ZMYM5: variants seen among roughly 807,000 people sequenced by gnomAD.
ZMYM5 encodes the protein zinc finger MYM-type protein 5.
A neutral mutation model predicts 61.8 loss-of-function variants in ZMYM5; 41 were observed. The observed-to-expected ratio is 0.66, with a 90% CI of 0.52 to 0.86. The LOEUF is 0.86. ZMYM5 is among the 40% of genes least tolerant of loss of function. The pLI is 0.00. For synonymous variants in ZMYM5, 257 were observed against 276.4 expected, an observed-to-expected ratio of 0.93 and a Z score of 0.70; for missense variants, 706 against 786.7, an observed-to-expected ratio of 0.90 and a Z score of 1.23.
intron 7 of ZMYM5, 32 bp downstream of exon 7, chr13:19,835,445 T>A (rs1952645041): frequency 7.6e-7 from 1 of 1,309,904 alleles, no homozygotes; most frequent in South Asian, 1.2e-5. Flanking sequence ...TACTATATAT[T>A]TGATCATTTA....
chr13:19,861,824 G>A (rs938895625), intron 2 of ZMYM5, among the ~76,000 whole-genome samples: 5 of 150,072 alleles, frequency 3.3e-5, no homozygotes, highest in Admixed American at 1.3e-4. Context: ...GTACCAAAAT[G>A]AACACATAGA....
rs910450545 is a variant in ZMYM5 at position 19,823,941 on chromosome 13, C to G, written c.*536G>C. The stretch of plus-strand genomic sequence containing the variant: ...GCAACCTCTGCCTCCTGGGTTCAAG[C>G]GATTCTCCTGCCTCAGCCTCCTGAG... On this transcript the variant is annotated 3_prime_UTR_variant, in exon 8 of 8. Coordinates refer to ENST00000337963, the MANE Select transcript of ZMYM5 (RefSeq NM_001142684.2). 2 of 152,308 alleles carry G rather than the reference C, an allele frequency of 1.3e-5. No individual in the cohort carries two copies. The highest frequency in any genetic ancestry group is 4.8e-5 in the African/African-American group (2 of 41,450). 9.4% of individuals were successfully genotyped at this position (152,308 alleles called of 1,614,324 possible). A position where few individuals can be genotyped will look rare whatever the true frequency, so the allele number is the denominator to read the frequency against.
At chr13:19,849,286 A>G (rs1953195980) in intron 4 of ZMYM5, among the ~76,000 whole-genome samples, 2 of 151,908 alleles carry the variant, frequency 1.3e-5, no homozygotes, top group South Asian at 2.1e-4. Flanking sequence ...GCGCCTGGCT[A>G]ATTTTTTTTT....
rs140860658 is a variant in ZMYM5, at chr13:19,851,447, G to T, written c.494C>A (p.Thr165Asn). 6 of 1,613,740 alleles carry T rather than the reference G, an allele frequency of 3.7e-6. No homozygotes were observed. In the African/African-American group the frequency reaches 8.0e-5, roughly 22 times the overall value. ...GTTAAAAGGTCTTACTCCAGTCTTGGTCTGTGGAGTTAAAGATGGGGTGTA... is the reference window on the plus strand; with the variant it reads ...GTTAAAAGGTCTTACTCCAGTCTTGTTCTGTGGAGTTAAAGATGGGGTGTA... ...FSTSSLSRSK[T>N]KTGVRPFNPG... The change falls in exon 4 of 8, where the codon ACC (threonine) becomes AAC (asparagine). Residue 165 changes from threonine (T) to asparagine (N), a missense_variant and splice_region_variant. Around this residue, in one of 2 missense-constraint regions of ZMYM5, gnomAD observed 480 missense variants for 461.7 expected, o/e 1.04. Transcript: ENST00000337963.
intron 1 of ZMYM5, among the ~76,000 whole-genome samples, 190 bp downstream of exon 1, chr13:19,863,260 C>T (rs978523201): frequency 6.6e-6 from 1 of 151,798 alleles, no homozygotes; most frequent in African/African-American, 2.4e-5. Context: ...ACCCAACCCT[C>T]CCGGCCTCGC....
chr13:19,829,344 T>C (rs1891088215), intron 7 of ZMYM5, among the ~76,000 whole-genome samples: 1 of 152,098 alleles, frequency 6.6e-6, no homozygotes, highest in Non-Finnish European at 1.5e-5. Context: ...CGGAGTGCAG[T>C]GATGAAATCA....
At chr13:19,825,544 G>A (rs1890870684) in intron 7 of ZMYM5, among the ~76,000 whole-genome samples, 1 of 152,124 alleles carries the variant, frequency 6.6e-6, no homozygotes, top group African/African-American at 2.4e-5. Flanking sequence ...CTCCTCTGGA[G>A]GCTGAGGCAG....
At chr13:19,858,146 A>T (rs1344238252) in intron 2 of ZMYM5, among the ~76,000 whole-genome samples, 1 of 151,648 alleles carries the variant, frequency 6.6e-6, no homozygotes, top group Non-Finnish European at 1.5e-5. Context: ...GCAGTGAGCT[A>T]TGACCACACC....
chr13:19,828,995 A>G (rs1279694601), intron 7 of ZMYM5, among the ~76,000 whole-genome samples: 1 of 152,154 alleles, frequency 6.6e-6, no homozygotes, highest in East Asian at 1.9e-4. Flanking sequence ...CTGCAGTCCC[A>G]GCTACTCAGG....
Position 19,834,286 on chromosome 13 carries a change from C to CT in ZMYM5, c.1251+1190dup, listed in dbSNP as rs201565980. 2.2e-3 allele frequency among the ~76,000 whole-genome samples: 311 copies of CT among 142,712 alleles called. 2 individuals carry two copies. Among genetic ancestry groups the CT allele is most frequent in the African/African-American group, 6.7e-3 (269 of 40,026 alleles). The allele number at this position is 142,712 out of a possible 152,430, so 93.6% of individuals were successfully genotyped here. ...AGCCACCACGTCCAGCCTATTTTTT[C>CT]TTTTAAAAAAAAAACAGAAGAAAAA... On this transcript the variant is annotated intron_variant, in intron 7 of 7. Coordinates refer to ENST00000337963, the MANE Select transcript of ZMYM5 (RefSeq NM_001142684.2).
At chr13:19,862,071 G>C (rs1953788317) in intron 2 of ZMYM5, among the ~76,000 whole-genome samples, 5 of 152,284 alleles carry the variant, frequency 3.3e-5, no homozygotes, top group African/African-American at 1.2e-4. Context: ...AGATTATTCA[G>C]TAGTGTTTCT....
rs1593912463 is a variant in ZMYM5 at position 19,854,249 on chromosome 13, C to T, written c.-10-2059G>A. ...GGTCTTGATCTCTTGACCTCGTGAT[C>T]CACCCACCTCGGCCTCCCAAAGTGC... On this transcript the variant is annotated intron_variant, in intron 2 of 7. Transcript: ENST00000337963. Among the ~76,000 whole-genome samples, 4 of 152,228 alleles carry T rather than the reference C, an allele frequency of 2.6e-5. No individual in the cohort carries two copies. In the South Asian group the frequency reaches 8.3e-4, roughly 32 times the overall value.
intron 1 of ZMYM5, among the ~76,000 whole-genome samples, chr13:19,862,711 G>C (rs1213896354): frequency 2.0e-5 from 3 of 152,240 alleles, no homozygotes; most frequent in African/African-American, 4.8e-5. Context: ...GGGGATCCGA[G>C]GCCTGCTCCC....
chr13:19,860,470 GTATT>G (rs1953702425), intron 2 of ZMYM5, among the ~76,000 whole-genome samples: 1 of 136,324 alleles, frequency 7.3e-6, no homozygotes, highest in Non-Finnish European at 1.6e-5. Flanking sequence ...GTGTGTGTGT[GTATT>G]TTTTTTTTTG....
chr13:19,858,995 T>C (rs1395850825), intron 2 of ZMYM5, among the ~76,000 whole-genome samples: 1 of 151,852 alleles, frequency 6.6e-6, no homozygotes, highest in Non-Finnish European at 1.5e-5. Flanking sequence ...AAGTCTTGGG[T>C]TCACCAAGCA....
intron 2 of ZMYM5, among the ~76,000 whole-genome samples, chr13:19,860,197 C>T (rs1237280089): frequency 1.3e-5 from 2 of 149,112 alleles, no homozygotes; most frequent in African/African-American, 4.9e-5. Context: ...GTGATCTTGG[C>T]TCACTGCAAC....
At chr13:19,858,880 G>C (rs1226428345) in intron 2 of ZMYM5, among the ~76,000 whole-genome samples, 1 of 152,128 alleles carries the variant, frequency 6.6e-6, no homozygotes, top group Non-Finnish European at 1.5e-5. Flanking sequence ...AAGAAAAGAG[G>C]TTGAGAGATA....
Position 19,852,120 on chromosome 13 carries a change from T to A in ZMYM5, c.61A>T (p.Asn21Tyr). 6.2e-7 allele frequency: 1 copy of A among 1,613,440 alleles called. No individual in the cohort carries two copies. ...ATGAGACTAGTTGCCATGGCCATAT[T>A]CCCTAATAAAGCAGGAGTCTGTTCA... ...LTEQTPALLG[N>Y]MAMATSLMDI... The change falls in exon 3 of 8, where the codon AAT (asparagine) becomes TAT (tyrosine). Residue 21 changes from asparagine (N) to tyrosine (Y), a missense_variant. Coordinates refer to ENST00000337963, the MANE Select transcript of ZMYM5 (RefSeq NM_001142684.2).
rs537760988 is a variant in ZMYM5, at chr13:19,860,101, CAAAAAAAAAAA to C, written c.-11+2287_-11+2297del. Among the ~76,000 whole-genome samples the C allele has an allele frequency of 1.3e-4, 4 of 31,324 alleles. No homozygotes were observed. In the East Asian group the frequency reaches 3.8e-3, roughly 30 times the overall value. The allele number at this position is 31,324 out of a possible 152,430, so 20.5% of individuals were successfully genotyped here. A position where few individuals can be genotyped will look rare whatever the true frequency, so the allele number is the denominator to read the frequency against. The stretch of plus-strand genomic sequence containing the variant: ...CCTGGGTGACAGGGCAAGACTGTCT[CAAAAAAAAAAA>C]AAAAAAAAAAAAGAGGAAAAAAAAA... On this transcript the variant is annotated intron_variant, in intron 2 of 7. Coordinates refer to ENST00000337963, the MANE Select transcript of ZMYM5 (RefSeq NM_001142684.2).
Sources: allele counts gnomAD v4.1 joint callset (sites outside exome capture counted in the v4.1 genomes callset), GRCh38; gene constraint gnomAD v4.1.1; regional missense constraint gnomAD v4.1.1; transcripts MANE v1.5; gene names NCBI Gene and HGNC (gene_info 2026-07-23, HGNC 2026-07-21).